SHMT1: variants seen among roughly 807,000 people sequenced by gnomAD.
SHMT1 encodes serine hydroxymethyltransferase, cytosolic.
In SHMT1, 45 loss-of-function variants were observed where a neutral mutation model predicts 49.0. The ratio of observed to expected loss-of-function variants is 0.92; its 90% CI spans 0.72 to 1.18. SHMT1 has a LOEUF of 1.18. Among genes scored for constraint, SHMT1 ranks in the 50% most tolerant of loss-of-function variants. The pLI, the probability that SHMT1 is intolerant of heterozygous loss-of-function variation, is 0.00. For missense variants in SHMT1, 541 were observed against 612.4 expected (o/e 0.88, Z 1.23); for synonymous variants, 232 against 246.6 (o/e 0.94, Z 0.55).
In SHMT1 at chr17:18,340,731, C is replaced by A. The variant is rs1049460694; in HGVS notation, c.601+1G>T. The A allele has an allele frequency of 1.9e-6, 3 of 1,611,404 alleles. No homozygotes were observed. The highest frequency in any genetic ancestry group is 1.7e-6 in the Non-Finnish European group (2 of 1,178,910). ...AGGTGACTTTCCGCCCCGCGCATCA[C>A]CTGCGATGATCAGCTTCGGGTGGAA... On this transcript the variant is annotated splice_donor_variant, in intron 6 of 11. Coordinates refer to ENST00000316694, the MANE Select transcript of SHMT1 (RefSeq NM_004169.5). LOFTEE classifies it high-confidence loss of function. The surrounding 1 kb of genome is among the most constrained non-coding windows in gnomAD (Gnocchi z 4.5).
chr17:18,355,913 T>TGCC lies in SHMT1; in HGVS notation c.66_68dup (p.Ala23dup), dbSNP rs1986192269. The stretch of plus-strand genomic sequence containing the variant: ...CAACATCACTGTCTTTGAGGGGTTG[T>TGCC]GCCAGCATCTTGTCATGTGAGGACC... On this transcript the variant is annotated inframe_insertion, in exon 2 of 12. Transcript: ENST00000316694. 6.2e-7 allele frequency: 1 copy of TGCC among 1,613,842 alleles called. No individual in the cohort carries two copies. Among genetic ancestry groups the TGCC allele is most frequent in the Non-Finnish European group, 8.5e-7 (1 of 1,179,740 alleles).
chr17:18,337,416 G>T (rs1351988291), intron 7 of SHMT1, among the ~76,000 whole-genome samples: 4 of 152,168 alleles, frequency 2.6e-5, no homozygotes, highest in Non-Finnish European at 5.9e-5. Flanking sequence ...AGCTAAAAAC[G>T]GTCCTTGGAG....
At position 18,338,467 on chromosome 17, in the gene SHMT1, C is replaced by A. The variant is rs369083549; in HGVS notation, c.814+1576G>T. ...GTGGGGGGGCGCCTCTGCCCGGCCG[C>A]CCCTTCTGGGAAGTGAGGAGCCCCT... On this transcript the variant is annotated intron_variant, in intron 7 of 11. Transcript: ENST00000316694. 1.4e-4 allele frequency among the ~76,000 whole-genome samples: 20 copies of A among 144,208 alleles called. No homozygotes were observed. In the East Asian group the frequency reaches 3.7e-3, roughly 27 times the overall value. 94.6% of individuals were successfully genotyped at this position (144,208 alleles called of 152,430 possible).
At chr17:18,352,916 G>C (rs576201566) in intron 3 of SHMT1, among the ~76,000 whole-genome samples, 1 of 151,882 alleles carries the variant, frequency 6.6e-6, no homozygotes, top group Admixed American at 6.6e-5. Context: ...AAAGGAGAGA[G>C]AGAAATAAAG....
At position 18,335,438 on chromosome 17, in the gene SHMT1, C is replaced by G. The variant is rs1983678426; in HGVS notation, c.931+121G>C. 1.5e-5 allele frequency: 11 copies of G among 748,454 alleles called. No individual in the cohort carries two copies. The South Asian group carries it at 1.7e-4, about 12-fold the overall frequency. The allele number at this position is 748,454 out of a possible 1,614,324, so 46.4% of individuals were successfully genotyped here. On this transcript the variant is annotated intron_variant, in intron 8 of 11. Transcript: ENST00000316694. The stretch of plus-strand genomic sequence containing the variant: ...CATGCCCTACTCTGTGTTAGCATCT[C>G]CTGCACAGAGACAGCCCTCCAGCTT...
chr17:18,363,132 A>G (rs909052354), intron 1 of SHMT1: 1 of 152,300 alleles, frequency 6.6e-6, no homozygotes, highest in Non-Finnish European at 1.5e-5. Context: ...CATTCTTGCC[A>G]AAGGCCACGG....
rs756326883 is a variant in SHMT1 at position 18,329,256 on chromosome 17, A to G, written c.1282+22T>C. The G allele has an allele frequency of 3.3e-5, 50 of 1,538,058 alleles. 1 individual carries two copies. The East Asian group carries it at 9.4e-4, about 29-fold the overall frequency. On this transcript the variant is annotated intron_variant, in intron 11 of 11. Transcript: ENST00000316694. ...TAAATACACACAATAAGATGTGGCA[A>G]CTTCCAAACTTTTATCCTTACCTCT...
chr17:18,359,939 T>C (rs974835056), intron 1 of SHMT1, among the ~76,000 whole-genome samples: 1 of 140,202 alleles, frequency 7.1e-6, no homozygotes, highest in African/African-American at 2.7e-5. Flanking sequence ...AGCAAGACTC[T>C]ATCTTAAAAA....
intron 5 of SHMT1, among the ~76,000 whole-genome samples, chr17:18,343,631 AGG>A (rs35431354): frequency 4.1e-5 from 5 of 121,100 alleles, no homozygotes; most frequent in African/African-American, 7.1e-5. Flanking sequence ...AAAAAAAAAA[AGG>A]GGTCAGCCGG....
At chr17:18,353,400 C>A (rs532300681) in intron 3 of SHMT1, 145 of 470,868 alleles carry the variant, frequency 3.1e-4, no homozygotes, top group Non-Finnish European at 5.2e-4. Flanking sequence ...ACACACCAGT[C>A]CAGTGGCTCA....
At chr17:18,360,896 G>A (rs1315795744) in intron 1 of SHMT1, among the ~76,000 whole-genome samples, 5 of 152,172 alleles carry the variant, frequency 3.3e-5, no homozygotes, top group African/African-American at 9.7e-5. Flanking sequence ...GCGGTCAGGC[G>A]CGGTGGCTGA....
intron 7 of SHMT1, among the ~76,000 whole-genome samples, chr17:18,336,258 CAG>C (rs970952969): frequency 6.6e-6 from 1 of 151,182 alleles, no homozygotes; most frequent in Admixed American, 6.6e-5. Context: ...GCCTGGGTGA[CAG>C]AGTGACATTC....
chr17:18,331,229 C>T (rs770367409), intron 9 of SHMT1: 60 of 223,716 alleles, frequency 2.7e-4, no homozygotes, highest in Non-Finnish European at 4.5e-4. Flanking sequence ...CACTTTGAAC[C>T]TTCATTAAGC....
In SHMT1 at chr17:18,340,203, T is replaced by G. The variant is rs761840346; in HGVS notation, c.654A>C (p.Ala218=). The G allele has an allele frequency of 1.2e-6, 2 of 1,614,232 alleles. No individual in the cohort carries two copies. Among genetic ancestry groups the G allele is most frequent in the South Asian group, 2.2e-5 (2 of 91,086 alleles). Residue 218 remains alanine (A), a synonymous_variant, in exon 7 of 12, where the codon GCA becomes GCC. Transcript: ENST00000316694. This position sits in a 1 kb window ranked among gnomAD's most constrained non-coding sequence, Gnocchi z 4.5. Reference sequence around the variant, plus strand: ...CCATGAGATACGCCCCGTTCTCATCTGCAATCTTCCGTAGCCGGGCATATT... The same window carrying G: ...CCATGAGATACGCCCCGTTCTCATCGGCAATCTTCCGTAGCCGGGCATATT... ...NLEYARLRKI[A]DENGAYLMAD...
In SHMT1 at chr17:18,337,827, G is replaced by A. The variant is rs564897082; in HGVS notation, c.815-2152C>T. 3.3e-5 allele frequency among the ~76,000 whole-genome samples: 5 copies of A among 152,328 alleles called. No individual in the cohort carries two copies. In the East Asian group the frequency reaches 7.7e-4, roughly 24 times the overall value. On this transcript the variant is annotated intron_variant, in intron 7 of 11. Coordinates refer to ENST00000316694, the MANE Select transcript of SHMT1 (RefSeq NM_004169.5). ...AACCGCGAGTCATCTGCCAGCCTCG[G>A]CCTCCCGAGGTGCCGGGATTGCAGA...
Position 18,340,802 on chromosome 17 carries a change from A to G in SHMT1, c.531T>C (p.Asp177=). The G allele has an allele frequency of 1.2e-6, 2 of 1,613,262 alleles. No homozygotes were observed. The highest frequency in any genetic ancestry group is 1.7e-6 in the Non-Finnish European group (2 of 1,179,656). ...FESMPYKVNP[D]TGYINYDQLE... The stretch of plus-strand genomic sequence containing the variant: ...GCTGGTCATAGTTGATGTAGCCAGT[A>G]TCTGGGTTCACCTGTGGAATGTCAG... Residue 177 remains aspartate (D), a synonymous_variant, in exon 6 of 12, where the codon GAT becomes GAC. Transcript: ENST00000316694. This position sits in a 1 kb window ranked among gnomAD's most constrained non-coding sequence, Gnocchi z 4.5.
rs147154456 is a variant in SHMT1 at position 18,332,545 on chromosome 17, G to A, written c.1054+621C>T. On this transcript the variant is annotated intron_variant, in intron 9 of 11. Transcript: ENST00000316694. ...CTAGGTATAAAGTCGCCCTTCCTCC[G>A]GAGGACTGAGTATGCTGCCTGCCAA... The A allele has an allele frequency of 1.6e-3, 287 of 177,662 alleles. 1 individual carries two copies. Among genetic ancestry groups the A allele is most frequent in the African/African-American group, 6.6e-3 (282 of 42,494 alleles). 11.0% of individuals were successfully genotyped at this position (177,662 alleles called of 1,614,324 possible).
intron 7 of SHMT1, among the ~76,000 whole-genome samples, chr17:18,336,036 T>C (rs1983753684): frequency 6.6e-6 from 1 of 152,164 alleles, no homozygotes; most frequent in Non-Finnish European, 1.5e-5. Context: ...CCCAGCACTT[T>C]GGGAGGCCAA....
chr17:18,356,089 G>T, intron 1 of SHMT1, 89 bp from the exon 2 acceptor site: 1 of 650,982 alleles, frequency 1.5e-6, no homozygotes, highest in East Asian at 3.5e-5. Flanking sequence ...TGTAGTCTTT[G>T]TTGCCCAGGC....
Sources: allele counts gnomAD v4.1 joint callset (sites outside exome capture counted in the v4.1 genomes callset), GRCh38; gene constraint gnomAD v4.1.1; non-coding constraint Gnocchi (gnomAD v3.1); transcripts MANE v1.5; gene names NCBI Gene and HGNC (gene_info 2026-07-23, HGNC 2026-07-21).